Variants in CFAP299 observed in about 807,000 individuals in gnomAD.
The protein encoded by CFAP299 is cilia- and flagella-associated protein 299.
A neutral mutation model predicts 27.0 loss-of-function variants in CFAP299; 21 were observed. The ratio of observed to expected loss-of-function variants is 0.78; its 90% CI spans 0.55 to 1.12. The LOEUF (loss-of-function observed/expected upper bound fraction) is 1.12. Among genes scored for constraint, CFAP299 ranks in the 50% most tolerant of loss-of-function variants. The pLI is 0.00. For synonymous variants in CFAP299, 104 were observed against 98.1 expected, an observed-to-expected ratio of 1.06 and a Z score of -0.36; for missense variants, 310 against 276.6, an observed-to-expected ratio of 1.12 and a Z score of -0.86.
chr4:80,848,174 G>A (rs188780002), intron 3 of CFAP299, among the ~76,000 whole-genome samples: 69 of 151,836 alleles, frequency 4.5e-4, no homozygotes, highest in African/African-American at 1.5e-3. Context: ...TCATGCCACT[G>A]CACTCCAGTC....
At chr4:80,457,059 G>A (rs747778947) in intron 2 of CFAP299, among the ~76,000 whole-genome samples, 2 of 151,632 alleles carry the variant, frequency 1.3e-5, no homozygotes, top group East Asian at 1.9e-4. Flanking sequence ...AAGAGACCAT[G>A]AGAACATGTA....
chr4:80,551,529 T>C (rs1734511060), intron 2 of CFAP299, among the ~76,000 whole-genome samples: 1 of 152,174 alleles, frequency 6.6e-6, no homozygotes, highest in African/African-American at 2.4e-5. Context: ...TTCTAATTCA[T>C]ATACTATATT....
chr4:80,894,829 C>T (rs994866423), intron 4 of CFAP299, among the ~76,000 whole-genome samples: 22 of 151,622 alleles, frequency 1.5e-4, no homozygotes, highest in Non-Finnish European at 1.3e-4. Flanking sequence ...GAATATTATT[C>T]AGCCTTGAAA....
intron 3 of CFAP299, among the ~76,000 whole-genome samples, chr4:80,835,231 C>T (rs1227455494): frequency 6.6e-6 from 1 of 152,126 alleles, no homozygotes; most frequent in Non-Finnish European, 1.5e-5. Context: ...TCCTGAGTAG[C>T]TGGGACTACA....
chr4:80,870,883 A>G (rs2110168519), intron 4 of CFAP299: 1 of 985,204 alleles, frequency 1.0e-6, no homozygotes, highest in Non-Finnish European at 1.2e-6. Flanking sequence ...TATTATCTGA[A>G]GACTTCCTTA....
rs145414421 is a variant in CFAP299 at position 80,559,453 on chromosome 4, C to T, written c.243-23640C>T. Among the ~76,000 whole-genome samples, 1,521 of 152,226 alleles carry T rather than the reference C, an allele frequency of 1.0e-2. 21 individuals are homozygous for T. Among genetic ancestry groups the T allele is most frequent in the South Asian group, 0.069 (334 of 4,826 alleles). On this transcript the variant is annotated intron_variant, in intron 2 of 5. Coordinates refer to ENST00000358105, the MANE Select transcript of CFAP299 (RefSeq NM_152770.3). Reference sequence around the variant, plus strand: ...TATAAGGCTTCACCCATAGTCTCTTCGCCAAAAGACACCAAGTTAACAACT... The same window carrying T: ...TATAAGGCTTCACCCATAGTCTCTTTGCCAAAAGACACCAAGTTAACAACT...
At chr4:80,646,967 TTGAGAGAG>T (rs964862777) in intron 3 of CFAP299, among the ~76,000 whole-genome samples, 1 of 106,322 alleles carries the variant, frequency 9.4e-6, no homozygotes, top group African/African-American at 3.8e-5. Flanking sequence ...TTCCAATTCT[TTGAGAGAG>T]AGAGAGAGAG....
At chr4:80,900,214 T>C (rs1734820100) in intron 4 of CFAP299, among the ~76,000 whole-genome samples, 1 of 149,740 alleles carries the variant, frequency 6.7e-6, no homozygotes, top group Non-Finnish European at 1.5e-5. Flanking sequence ...ATATGAGAAC[T>C]AAGAAAGAGG....
intron 3 of CFAP299, among the ~76,000 whole-genome samples, chr4:80,757,016 C>T (rs937879003): frequency 3.9e-5 from 6 of 152,004 alleles, no homozygotes; most frequent in South Asian, 2.1e-4. Context: ...GTGAACACCA[C>T]GGTTTGGATT....
intron 3 of CFAP299, among the ~76,000 whole-genome samples, chr4:80,757,311 A>G (rs192116687): frequency 5.8e-4 from 88 of 152,308 alleles, no homozygotes; most frequent in Middle Eastern, 3.4e-3. Flanking sequence ...AAAATGTCCT[A>G]TTAACCAAAA....
intron 3 of CFAP299, among the ~76,000 whole-genome samples, chr4:80,651,959 G>T (rs991872956): frequency 6.6e-6 from 1 of 152,024 alleles, no homozygotes; most frequent in African/African-American, 2.4e-5. Context: ...TCCAAATGAG[G>T]ATATTACTTT....
chr4:80,742,443 T>C (rs1361512267), intron 3 of CFAP299, among the ~76,000 whole-genome samples: 1 of 152,192 alleles, frequency 6.6e-6, no homozygotes, highest in African/African-American at 2.4e-5. Context: ...GTATTAGCTA[T>C]AGCAGAATAT....
At chr4:80,587,563 A>C (rs1439239977) in intron 3 of CFAP299, among the ~76,000 whole-genome samples, 1 of 152,170 alleles carries the variant, frequency 6.6e-6, no homozygotes, top group Non-Finnish European at 1.5e-5. Context: ...TGTGTAAAGC[A>C]CATCTAAGCC....
intron 2 of CFAP299, among the ~76,000 whole-genome samples, chr4:80,576,692 C>T (rs1171967662): frequency 6.6e-6 from 1 of 152,080 alleles, no homozygotes; most frequent in East Asian, 1.9e-4. Flanking sequence ...TACACTTTTA[C>T]TCAACTACTG....
At chr4:80,335,643 G>T (rs977927565), upstream of CFAP299, 10 of 689,254 alleles carry the variant, frequency 1.5e-5, no homozygotes, top group Non-Finnish European at 2.4e-5. Flanking sequence ...CAAACCGCCG[G>T]GGGGTGGGAT....
intron 3 of CFAP299, among the ~76,000 whole-genome samples, chr4:80,614,419 G>T (rs1378972758): frequency 1.3e-5 from 2 of 152,118 alleles, no homozygotes; most frequent in African/African-American, 2.4e-5. Flanking sequence ...TTAAACTAAG[G>T]CACTTCTATT....
At chr4:80,522,058 C>G (rs1732943928) in intron 2 of CFAP299, among the ~76,000 whole-genome samples, 1 of 151,996 alleles carries the variant, frequency 6.6e-6, no homozygotes, top group African/African-American at 2.4e-5. Flanking sequence ...TCCATAGTGG[C>G]TGTACCATTT....
At chr4:80,815,303 G>A (rs1729366244) in intron 3 of CFAP299, among the ~76,000 whole-genome samples, 1 of 151,558 alleles carries the variant, frequency 6.6e-6, no homozygotes, top group African/African-American at 2.4e-5. Flanking sequence ...GCTGAGATAT[G>A]TATATATATA....
At chr4:80,543,405 A>G (rs1362740022) in intron 2 of CFAP299, among the ~76,000 whole-genome samples, 2 of 152,248 alleles carry the variant, frequency 1.3e-5, no homozygotes, top group African/African-American at 2.4e-5. Context: ...CTGGACAGCA[A>G]GGAAGTCCAT....
Sources: allele counts gnomAD v4.1 joint callset (sites outside exome capture counted in the v4.1 genomes callset), GRCh38; gene constraint gnomAD v4.1.1; transcripts MANE v1.5; gene names NCBI Gene and HGNC (gene_info 2026-07-23, HGNC 2026-07-21).